DLG2: variants seen among roughly 807,000 people sequenced by gnomAD.
The protein encoded by DLG2 is discs large MAGUK scaffold protein 2.
Under a neutral mutation model 132.5 loss-of-function variants are expected in DLG2, and 45 were observed. The observed-to-expected ratio is 0.34, with a 90% CI of 0.27 to 0.44. DLG2 has a LOEUF of 0.44. DLG2 is among the 20% of genes least tolerant of loss of function. The pLI, the probability that DLG2 is intolerant of heterozygous loss-of-function variation, is 1.00. For synonymous variants in DLG2, 424 were observed against 419.6 expected (o/e 1.01, Z -0.13); for missense variants, 1,045 against 1,196.9 (o/e 0.87, Z 1.87).
chr11:84,714,617 T>TTCTCTTTCTCTCTCTCTCTCTCTC (rs2060943746), intron 6 of DLG2, among the ~76,000 whole-genome samples: 1 of 96,606 alleles, frequency 1.0e-5, no homozygotes, highest in Non-Finnish European at 2.2e-5. Context: ...CTCTTTCTCT[T>TTCTCTTTCTCTCTCTCTCTCTCTC]TCTCTTTCTC....
intron 7 of DLG2, among the ~76,000 whole-genome samples, chr11:84,506,076 G>GTTTTTTTTTTTTTTTTTTTTTTTTT (rs559086542): frequency 4.4e-5 from 4 of 91,416 alleles, no homozygotes; most frequent in African/African-American, 2.7e-4. Flanking sequence ...CAGAGGCTCA[G>GTTTTTTTTTTTTTTTTTTTTTTTTT]TTCTTTTTTT....
intron 3 of DLG2, among the ~76,000 whole-genome samples, chr11:85,425,708 G>A (rs1394575079): frequency 6.6e-6 from 1 of 152,154 alleles, no homozygotes; most frequent in African/African-American, 2.4e-5. Flanking sequence ...CTCCCAGCAT[G>A]AGCGACGCAG....
intron 3 of DLG2, among the ~76,000 whole-genome samples, chr11:85,317,540 C>G (rs1008349145): frequency 1.3e-5 from 2 of 151,882 alleles, no homozygotes; most frequent in Admixed American, 6.6e-5. Flanking sequence ...GAAGAAAATA[C>G]AGGAAGCACT....
In DLG2 at chr11:83,994,002, C is replaced by T. The variant is rs147508496; in HGVS notation, c.920-13360G>A. Among the ~76,000 whole-genome samples the T allele has an allele frequency of 2.5e-4, 38 of 152,210 alleles. No individual in the cohort carries two copies. In the East Asian group the frequency reaches 5.6e-3, roughly 22 times the overall value. On this transcript the variant is annotated intron_variant, in intron 11 of 27. Coordinates refer to ENST00000376104, the MANE Select transcript of DLG2 (RefSeq NM_001142699.3). ...ATCTTGAAAAATTTCCATTCACAAA[C>T]GCCTGTATTCAGTAACATCTCCTCT... is the stretch of plus-strand genomic sequence containing the variant.
chr11:85,190,732 C>T (rs774460926), intron 4 of DLG2, among the ~76,000 whole-genome samples: 1 of 152,104 alleles, frequency 6.6e-6, no homozygotes, highest in Non-Finnish European at 1.5e-5. Context: ...CCCCTATGCA[C>T]ATAAATTAGA....
At chr11:85,300,622 A>C (rs1230659153) in intron 3 of DLG2, among the ~76,000 whole-genome samples, 1 of 152,190 alleles carries the variant, frequency 6.6e-6, no homozygotes, top group Non-Finnish European at 1.5e-5. Context: ...ATGTACATTC[A>C]TGTTGTCCAG....
intron 11 of DLG2, among the ~76,000 whole-genome samples, chr11:84,037,922 A>C (rs1220833453): frequency 6.6e-6 from 1 of 152,050 alleles, no homozygotes; most frequent in Non-Finnish European, 1.5e-5. Context: ...TTCTCTTTGC[A>C]TATCTTTGCT....
At chr11:84,404,173 A>G (rs982319138) in intron 7 of DLG2, among the ~76,000 whole-genome samples, 3 of 152,068 alleles carry the variant, frequency 2.0e-5, no homozygotes, top group Non-Finnish European at 2.9e-5. Flanking sequence ...TCTACATGAT[A>G]TATCTTGGTA....
chr11:84,492,365 T>G (rs61897714), intron 7 of DLG2, among the ~76,000 whole-genome samples: 1 of 152,128 alleles, frequency 6.6e-6, no homozygotes, highest in Non-Finnish European at 1.5e-5. Flanking sequence ...GTGGGTGATA[T>G]AACTCCAGCT....
intron 3 of DLG2, among the ~76,000 whole-genome samples, chr11:85,595,306 A>G (rs1288964596): frequency 6.6e-6 from 1 of 152,100 alleles, no homozygotes; most frequent in East Asian, 1.9e-4. Flanking sequence ...ATTAATGAAC[A>G]CTGATTATTA....
At chr11:85,326,293 G>C (rs1304640845) in intron 3 of DLG2, among the ~76,000 whole-genome samples, 105 of 143,722 alleles carry the variant, frequency 7.3e-4, no homozygotes, top group Non-Finnish European at 1.2e-3. Context: ...TACTCCTCGA[G>C]AAGAGCAACT....
intron 6 of DLG2, among the ~76,000 whole-genome samples, chr11:84,738,124 G>A (rs1312791477): frequency 6.6e-6 from 1 of 152,030 alleles, no homozygotes; most frequent in East Asian, 1.9e-4. Context: ...TAAAGGCTCA[G>A]AAATAGGTAT....
rs2075003014 is a variant in DLG2 at position 84,798,757 on chromosome 11, C to T, written c.358-264026G>A. 1.3e-5 allele frequency among the ~76,000 whole-genome samples: 2 copies of T among 152,222 alleles called. 1 individual carries two copies. Among genetic ancestry groups the T allele is most frequent in the South Asian group, 4.1e-4 (2 of 4,834 alleles). On this transcript the variant is annotated intron_variant, in intron 6 of 27. Coordinates refer to ENST00000376104, the MANE Select transcript of DLG2 (RefSeq NM_001142699.3). ...TACCTGGCTATTACTGTTGGTTATT[C>T]AGGGCCCAAGGGCACTTTAGCCATC... is the stretch of plus-strand genomic sequence containing the variant.
At chr11:84,937,167 A>G (rs2048849891) in intron 6 of DLG2, among the ~76,000 whole-genome samples, 1 of 152,122 alleles carries the variant, frequency 6.6e-6, no homozygotes, top group Admixed American at 6.6e-5. Flanking sequence ...AAAACAATCC[A>G]ATCAATACCT....
At chr11:85,560,945 T>C (rs1273852657) in intron 3 of DLG2, among the ~76,000 whole-genome samples, 1 of 151,536 alleles carries the variant, frequency 6.6e-6, no homozygotes, top group African/African-American at 2.4e-5. Flanking sequence ...GGTGGGAGGA[T>C]TGCTTGAGCC....
chr11:84,611,850 A>C (rs1475368709), intron 6 of DLG2, among the ~76,000 whole-genome samples: 2 of 152,212 alleles, frequency 1.3e-5, no homozygotes, highest in Non-Finnish European at 2.9e-5. Flanking sequence ...GAAGCATCTA[A>C]ACATACAGCA....
chr11:84,474,275 G>T (rs1015242765), intron 7 of DLG2, among the ~76,000 whole-genome samples: 25 of 152,000 alleles, frequency 1.6e-4, no homozygotes, highest in African/African-American at 6.0e-4. Context: ...ATGTGACCCA[G>T]TTTACAGATG....
intron 7 of DLG2, among the ~76,000 whole-genome samples, chr11:84,502,382 CTTTCTTTCTTTCTTTCT>C: frequency 1.1e-5 from 1 of 89,100 alleles, no homozygotes; most frequent in Non-Finnish European, 2.1e-5. Context: ...TTCTTTCTTT[CTTTCTTTCTTTCTTTCT>C]TTCTTTCTTT....
At chr11:84,746,370 T>C (rs2065363168) in intron 6 of DLG2, among the ~76,000 whole-genome samples, 1 of 152,104 alleles carries the variant, frequency 6.6e-6, no homozygotes. Flanking sequence ...TATGCTGTAT[T>C]ATTTTACATT....
Sources: gnomAD v4.1 joint callset for allele counts (sites outside exome capture counted in the v4.1 genomes callset) on GRCh38, gnomAD v4.1.1 for gene constraint, MANE v1.5 for transcripts, NCBI Gene and HGNC (gene_info 2026-07-23, HGNC 2026-07-21) for gene names.